The following INPPL1 variants were observed in gnomAD, a reference collection of about 807,000 sequenced individuals.
The protein encoded by INPPL1 is inositol polyphosphate phosphatase like 1.
In INPPL1, 91 loss-of-function variants were observed where a neutral mutation model predicts 139.3. The observed-to-expected ratio is 0.65, with a 90% CI of 0.55 to 0.78. The LOEUF (loss-of-function observed/expected upper bound fraction) is 0.78. INPPL1 is among the 30% of genes least tolerant of loss of function. INPPL1 has a pLI of 0.00. For missense variants in INPPL1, 1,411 were observed against 1,665.6 expected, an observed-to-expected ratio of 0.85 and a Z score of 2.66; for synonymous variants, 719 against 686.6, an observed-to-expected ratio of 1.05 and a Z score of -0.74.
In INPPL1 at chr11:72,224,878, G is replaced by C. The variant is rs1948622446; in HGVS notation, c.-107G>C. 1.0e-5 allele frequency: 8 copies of C among 794,224 alleles called. No homozygotes were observed. Among genetic ancestry groups the C allele is most frequent in the Non-Finnish European group, 1.1e-5 (7 of 646,956 alleles). 49.2% of individuals were successfully genotyped at this position (794,224 alleles called of 1,614,324 possible). A position where few individuals can be genotyped will look rare whatever the true frequency, so the allele number is the denominator to read the frequency against. ...GATCCCCGGCTCTGTCCGGCCCACG[G>C]ATCCTCAAGCCCGGGCCCCGGGCCC... On this transcript the variant is annotated 5_prime_UTR_variant, in exon 1 of 28. Coordinates refer to ENST00000298229, the MANE Select transcript of INPPL1 (RefSeq NM_001567.4).
rs1948827320 is a variant in INPPL1 at position 72,231,251 on chromosome 11, T to C, written c.1497+62T>C. The C allele has an allele frequency of 2.7e-6, 4 of 1,495,220 alleles. No homozygotes were observed. In the Admixed American group the frequency reaches 5.4e-5, roughly 20 times the overall value. 92.6% of individuals were successfully genotyped at this position (1,495,220 alleles called of 1,614,324 possible). ...ACACACCACCTCCAAACTAGCCTAC[T>C]TGACTTCATGGGCAACCCTGGGAGC... On this transcript the variant is annotated intron_variant, in intron 12 of 27. Transcript: ENST00000298229.
rs1224958352 is a variant in INPPL1, at chr11:72,234,673, G to C, written c.2415+58G>C. On this transcript the variant is annotated intron_variant, in intron 21 of 27. Coordinates refer to ENST00000298229, the MANE Select transcript of INPPL1 (RefSeq NM_001567.4). This position sits in a 1 kb window ranked among gnomAD's most constrained non-coding sequence, Gnocchi z 4.2. ...TGAGGGCACAGAGAGGGGTACATAAGAGTTTATTGGAGAGCCTGCCTGGGA... is the reference window on the plus strand; with the variant it reads ...TGAGGGCACAGAGAGGGGTACATAACAGTTTATTGGAGAGCCTGCCTGGGA... The C allele has an allele frequency of 2.5e-6, 3 of 1,217,808 alleles. No homozygotes were observed. Among genetic ancestry groups the C allele is most frequent in the Non-Finnish European group, 3.6e-6 (3 of 829,110 alleles). 75.4% of individuals were successfully genotyped at this position (1,217,808 alleles called of 1,614,324 possible).
At position 72,235,160 on chromosome 11, in the gene INPPL1, C is replaced by A; in HGVS notation, c.2460C>A (p.His820Gln). ...ATATCGAGTACCTGCAGGACCAGCA[C>A]CTCCTGCTCACAGTCAAGTCCATGG... is the stretch of plus-strand genomic sequence containing the variant. ...LADIEYLQDQ[H>Q]LLLTVKSMDG... Residue 820 changes from histidine to glutamine, a missense_variant, in exon 22 of 28, where the codon CAC (histidine) becomes CAA (glutamine). Around this residue, in one of 5 missense-constraint regions of INPPL1, gnomAD observed 99 missense variants for 171.6 expected, o/e 0.58. Transcript: ENST00000298229. This position sits in a 1 kb window ranked among gnomAD's most constrained non-coding sequence, Gnocchi z 4.9. The A allele has an allele frequency of 6.2e-7, 1 of 1,614,072 alleles. No individual in the cohort carries two copies. The highest frequency in any genetic ancestry group is 1.3e-5 in the African/African-American group (1 of 74,974).
At position 72,232,542 on chromosome 11, in the gene INPPL1, G is replaced by C. The variant is rs1027924650; in HGVS notation, c.1713-84G>C. On this transcript the variant is annotated intron_variant, in intron 14 of 27. Coordinates refer to ENST00000298229, the MANE Select transcript of INPPL1 (RefSeq NM_001567.4). ...TCTTTACCCCATCCCTGACTCCTGA[G>C]ACTTCTTCCCTTTATGCCTATCCCT... is the stretch of plus-strand genomic sequence containing the variant. 4.6e-6 allele frequency: 7 copies of C among 1,529,370 alleles called. No individual in the cohort carries two copies. The African/African-American group carries it at 5.5e-5, about 12-fold the overall frequency. 94.7% of individuals were successfully genotyped at this position (1,529,370 alleles called of 1,614,324 possible).
rs746371096 is a variant in INPPL1 at position 72,234,732 on chromosome 11, A to AGAGAGT, written c.2415+118_2415+119insAGAGTG. Reference sequence around the variant, plus strand: ...GGGGCCAGCAGAGAGAGAGAGAGAGAGTGTGTGTGTGTGTGTGTGTGTGTG... The same window carrying AGAGAGT: ...GGGGCCAGCAGAGAGAGAGAGAGAGAGAGAGTGTGTGTGTGTGTGTGTGTGTGTGTG... On this transcript the variant is annotated intron_variant, in intron 21 of 27. Transcript: ENST00000298229. The surrounding 1 kb of genome is among the most constrained non-coding windows in gnomAD (Gnocchi z 4.2). 93 of 528,486 alleles carry AGAGAGT rather than the reference A, an allele frequency of 1.8e-4. No individual in the cohort carries two copies. Among genetic ancestry groups the AGAGAGT allele is most frequent in the African/African-American group, 1.4e-3 (68 of 48,610 alleles). 32.7% of individuals were successfully genotyped at this position (528,486 alleles called of 1,614,324 possible).
chr11:72,236,846 C>A (rs1188642903), intron 25 of INPPL1, among the ~76,000 whole-genome samples: 1 of 152,198 alleles, frequency 6.6e-6, no homozygotes, highest in Non-Finnish European at 1.5e-5. Flanking sequence ...TCTATTCTGA[C>A]CCATTTAGCT....
intron 12 of INPPL1, 71 bp from the exon 13 acceptor site, chr11:72,231,427 A>G (rs1591277618): frequency 1.6e-6 from 2 of 1,234,536 alleles, no homozygotes; most frequent in Non-Finnish European, 2.4e-6. Flanking sequence ...ACAAAAGTCT[A>G]TTTATAGTGC....
chr11:72,224,877 G>A lies in INPPL1; in HGVS notation c.-108G>A. ...CGATCCCCGGCTCTGTCCGGCCCAC[G>A]GATCCTCAAGCCCGGGCCCCGGGCC... On this transcript the variant is annotated 5_prime_UTR_variant, in exon 1 of 28. Coordinates refer to ENST00000298229, the MANE Select transcript of INPPL1 (RefSeq NM_001567.4). The A allele has an allele frequency of 5.1e-6, 4 of 785,716 alleles. No homozygotes were observed. Among genetic ancestry groups the A allele is most frequent in the Non-Finnish European group, 6.3e-6 (4 of 639,164 alleles). The allele number at this position is 785,716 out of a possible 1,614,324, so 48.7% of individuals were successfully genotyped here. A position where few individuals can be genotyped will look rare whatever the true frequency, so the allele number is the denominator to read the frequency against.
In INPPL1 at chr11:72,229,187, C is replaced by T; in HGVS notation, c.616C>T (p.His206Tyr). The T allele has an allele frequency of 3.1e-6, 5 of 1,613,696 alleles. No individual in the cohort carries two copies. Among genetic ancestry groups the T allele is most frequent in the Non-Finnish European group, 3.4e-6 (4 of 1,179,868 alleles). ...GAGGGGTGGAGCCAGCCACCTGCCC[C>T]ACCTCACCCGTACCCTCGCTACCTC... is the stretch of plus-strand genomic sequence containing the variant. ...AVRGGASHLPHLTRTLATSCR... is the reference protein window; with the variant it reads ...AVRGGASHLPYLTRTLATSCR... Residue 206 changes from histidine to tyrosine, a missense_variant, in exon 5 of 28, where the codon CAC becomes TAC. Coordinates refer to ENST00000298229, the MANE Select transcript of INPPL1 (RefSeq NM_001567.4).
At position 72,237,443 on chromosome 11, in the gene INPPL1, C is replaced by T. The variant is rs772941677; in HGVS notation, c.3199C>T (p.Pro1067Ser). The T allele has an allele frequency of 2.5e-6, 4 of 1,610,632 alleles. No homozygotes were observed. The South Asian group carries it at 4.4e-5, about 18-fold the overall frequency. ...GCCGGACTCAGCCATCTTCCTGCCC[C>T]CCAGCCTGGATCCTTTACCAGGGCC... The part of the protein sequence containing the change: ...PLPDSAIFLP[P>S]SLDPLPGPVV... The change falls in exon 26 of 28, where the codon CCC (proline) becomes TCC (serine). Residue 1067 changes from proline to serine, a missense_variant. By Grantham distance (74) the Pro-to-Ser change is moderately conservative. Coordinates refer to ENST00000298229, the MANE Select transcript of INPPL1 (RefSeq NM_001567.4).
chr11:72,231,564 A>G lies in INPPL1; in HGVS notation c.1564A>G (p.Ile522Val), dbSNP rs1380630649. 6.2e-7 allele frequency: 1 copy of G among 1,614,022 alleles called. No homozygotes were observed. Among genetic ancestry groups the G allele is most frequent in the South Asian group, 1.1e-5 (1 of 91,064 alleles). ...GGTCAAGCCAGAGCACGAGAACCGT[A>G]TCAGCCATGTCAGTACGTCCAGTGT... ...VLVKPEHENR[I>V]SHVSTSSVKT... Residue 522 changes from isoleucine (I) to valine (V), a missense_variant, in exon 13 of 28, where the codon ATC (isoleucine) becomes GTC (valine). Around this residue, in one of 5 missense-constraint regions of INPPL1, gnomAD observed 363 missense variants for 446.2 expected, o/e 0.81. Transcript: ENST00000298229.
intron 18 of INPPL1, 48 bp from the exon 19 acceptor site, chr11:72,233,607 G>A (rs375251163): frequency 1.9e-6 from 3 of 1,607,298 alleles, no homozygotes; most frequent in Non-Finnish European, 2.6e-6. Context: ...TGGGAGCCGA[G>A]GGTGGGAATA....
intron 26 of INPPL1, 32 bp from the exon 27 acceptor site, chr11:72,238,010 T>A: frequency 6.6e-7 from 1 of 1,515,766 alleles, no homozygotes; most frequent in Non-Finnish European, 8.8e-7. Flanking sequence ...TGGGGGGCAC[T>A]CAGCTCCCCC....
Position 72,238,030 on chromosome 11 carries a change from C to G in INPPL1, c.3553-12C>G. On this transcript the variant is annotated splice_polypyrimidine_tract_variant and intron_variant, in intron 26 of 27. Transcript: ENST00000298229. ...GGCACTCAGCTCCCCCTGACATGCC[C>G]TGTTTCCTTAGGCTCCGTGCCTGCA... 1 of 1,531,114 alleles carries G rather than the reference C, an allele frequency of 6.5e-7. No individual in the cohort carries two copies. The highest frequency in any genetic ancestry group is 8.8e-7 in the Non-Finnish European group (1 of 1,140,852). The allele number at this position is 1,531,114 out of a possible 1,614,324, so 94.8% of individuals were successfully genotyped here. A position where few individuals can be genotyped will look rare whatever the true frequency, so the allele number is the denominator to read the frequency against.
In INPPL1 at chr11:72,232,246, AG is replaced by A; in HGVS notation, c.1627del (p.Ala543LeufsTer16). 6.4e-7 allele frequency: 1 copy of A among 1,554,962 alleles called. No individual in the cohort carries two copies. Among genetic ancestry groups the A allele is most frequent in the Non-Finnish European group, 8.7e-7 (1 of 1,148,458 alleles). Reference protein sequence around the residue: ...KTGIANTLGNKGAVGVSFMFN... With the variant: ...KTGIANTLGNXGAVGVSFMFN... Reference sequence around the variant, plus strand: ...CTCTTGCTTGCCTTAACAGGGAACAAGGGGGCTGTGGGCGTCTCCTTCATGT... The same window carrying A: ...CTCTTGCTTGCCTTAACAGGGAACAAGGGGCTGTGGGCGTCTCCTTCATGT... On this transcript the variant is annotated frameshift_variant, in exon 14 of 28. Coordinates refer to ENST00000298229, the MANE Select transcript of INPPL1 (RefSeq NM_001567.4). LOFTEE classifies it high-confidence loss of function.
At chr11:72,225,288 C>G (rs1948638413) in intron 1 of INPPL1, 122 bp downstream of exon 1, 19 of 1,221,056 alleles carry the variant, frequency 1.6e-5, no homozygotes, top group Non-Finnish European at 1.6e-5. Context: ...CCTCCACCCC[C>G]CAGAGTGGGA....
chr11:72,225,759 G>T (rs1387819874), intron 1 of INPPL1, among the ~76,000 whole-genome samples: 1 of 152,168 alleles, frequency 6.6e-6, no homozygotes, highest in Non-Finnish European at 1.5e-5. Context: ...GAGTGTTTGA[G>T]CCCTGGCTCT....
At chr11:72,229,875 C>T in intron 7 of INPPL1, 49 bp from the exon 8 acceptor site, 7 of 1,590,238 alleles carry the variant, frequency 4.4e-6, no homozygotes, top group Non-Finnish European at 6.0e-6. Context: ...CCTCCCTGCC[C>T]CAGCCTTCAG....
Position 72,229,741 on chromosome 11 carries a change from A to G in INPPL1, c.832A>G (p.Ile278Val). Reference sequence around the variant, plus strand: ...AGTGCTAAAGGACTTCCTGTCAGGCATCCAGAAGAAGGTGGCATGATCTCT... The same window carrying G: ...AGTGCTAAAGGACTTCCTGTCAGGCGTCCAGAAGAAGGTGGCATGATCTCT... ...LSVLKDFLSG[I>V]QKKALKALQD... The change falls in exon 7 of 28, where the codon ATC becomes GTC. Residue 278 changes from isoleucine to valine, a missense_variant. Coordinates refer to ENST00000298229, the MANE Select transcript of INPPL1 (RefSeq NM_001567.4). 1.2e-6 allele frequency: 2 copies of G among 1,613,912 alleles called. No homozygotes were observed. The highest frequency in any genetic ancestry group is 1.3e-5 in the African/African-American group (1 of 75,044).
Sources: allele counts gnomAD v4.1 joint callset (sites outside exome capture counted in the v4.1 genomes callset), GRCh38; gene constraint gnomAD v4.1.1; regional missense constraint gnomAD v4.1.1; non-coding constraint Gnocchi (gnomAD v3.1); transcripts MANE v1.5; gene names NCBI Gene and HGNC (gene_info 2026-07-23, HGNC 2026-07-21).